The following AKR1E2 variants were observed in gnomAD, a reference collection of about 807,000 sequenced individuals.
The protein encoded by AKR1E2 is 1,5-anhydro-D-fructose reductase.
In AKR1E2, 43 loss-of-function variants were observed where a neutral mutation model predicts 41.9. The ratio of observed to expected loss-of-function variants is 1.03; its 90% CI spans 0.80 to 1.32. The LOEUF (loss-of-function observed/expected upper bound fraction) is 1.32. Ranked by LOEUF, AKR1E2 falls within the 40% of genes most tolerant of loss-of-function variation. AKR1E2 has a pLI of 0.00. For synonymous variants in AKR1E2, 121 were observed against 138.9 expected (o/e 0.87, Z 0.91); for missense variants, 423 against 396.5 (o/e 1.07, Z -0.57).
the AKR1E2 span, among the ~76,000 whole-genome samples, chr10:4,853,309 C>T: frequency 6.6e-6 from 1 of 152,128 alleles, no homozygotes; most frequent in Non-Finnish European, 1.5e-5. Context: ...ACCCCAGCCT[C>T]ATAAATTAGT....
chr10:4,869,612 A>G, the AKR1E2 span, among the ~76,000 whole-genome samples: 3 of 151,782 alleles, frequency 2.0e-5, no homozygotes, highest in Non-Finnish European at 2.9e-5. Context: ...AAGAGCTTAG[A>G]TAGTTGATTT....
intron 5 of AKR1E2, 124 bp downstream of exon 5, chr10:4,837,705 C>T: frequency 4.2e-6 from 6 of 1,417,212 alleles, no homozygotes; most frequent in South Asian, 1.4e-5. Context: ...TCTCCTCTGG[C>T]AGCACTCAGA....
chr10:4,835,657 A>T lies in AKR1E2; in HGVS notation c.325-18A>T. The T allele has an allele frequency of 6.2e-7, 1 of 1,612,832 alleles. No individual in the cohort carries two copies. The highest frequency in any genetic ancestry group is 2.2e-5 in the East Asian group (1 of 44,854). On this transcript the variant is annotated intron_variant, in intron 3 of 9. Transcript: ENST00000298375. The stretch of plus-strand genomic sequence containing the variant: ...GTTTTGTTTTGTTTTCACACATCTC[A>T]ACTCTCCTTCTTCGCAGCCTCCTCA...
chr10:4,871,107 T>C, the AKR1E2 span, among the ~76,000 whole-genome samples: 9 of 152,324 alleles, frequency 5.9e-5, no homozygotes, highest in East Asian at 1.3e-3. Flanking sequence ...TTTTGTGTAT[T>C]GTGTTTTTCA....
chr10:4,846,608 C>T (rs1026611269), intron 8 of AKR1E2, among the ~76,000 whole-genome samples: 11 of 150,460 alleles, frequency 7.3e-5, no homozygotes, highest in Non-Finnish European at 1.2e-4. Context: ...TGCAGTGGTG[C>T]GATCTCGGCT....
intron 6 of AKR1E2, 104 bp downstream of exon 6, chr10:4,839,930 A>T: frequency 9.2e-7 from 1 of 1,085,458 alleles, no homozygotes; most frequent in Non-Finnish European, 1.4e-6. Context: ...GGAGGTTTTG[A>T]CAGGGTGTGG....
chr10:4,833,872 A>G (rs1438980310), intron 3 of AKR1E2, among the ~76,000 whole-genome samples: 1 of 152,226 alleles, frequency 6.6e-6, no homozygotes, highest in Non-Finnish European at 1.5e-5. Flanking sequence ...CTGTTTTGCA[A>G]TATGGGAGAT....
At chr10:4,871,134 A>C in the AKR1E2 span, among the ~76,000 whole-genome samples, 1 of 152,096 alleles carries the variant, frequency 6.6e-6, no homozygotes. Context: ...AAATTTCCAA[A>C]TCTGGTTATT....
At chr10:4,843,589 G>A (rs1338770662) in intron 8 of AKR1E2, among the ~76,000 whole-genome samples, 7 of 152,214 alleles carry the variant, frequency 4.6e-5, no homozygotes, top group South Asian at 2.1e-4. Flanking sequence ...CTGAGGGCTC[G>A]GTTTGGTTGT....
At chr10:4,849,687 G>C (rs1025037555), downstream of AKR1E2, among the ~76,000 whole-genome samples, 3 of 152,316 alleles carry the variant, frequency 2.0e-5, no homozygotes, top group African/African-American at 7.2e-5. Context: ...GAGTCTCAGC[G>C]CTCCATTGCA....
the AKR1E2 span, among the ~76,000 whole-genome samples, chr10:4,854,311 C>CT: frequency 6.6e-6 from 1 of 152,128 alleles, no homozygotes; most frequent in Admixed American, 6.5e-5. Flanking sequence ...CCAGGCTGGT[C>CT]TTTAACTCCT....
chr10:4,849,918 TCTTCAA>T (rs1834491809), downstream of AKR1E2, among the ~76,000 whole-genome samples: 1 of 152,224 alleles, frequency 6.6e-6, no homozygotes, highest in Non-Finnish European at 1.5e-5. Flanking sequence ...TTTTAAGACC[TCTTCAA>T]CTTTGTACAA....
chr10:4,827,083 A>AG (rs1018745754), intron 1 of AKR1E2, among the ~76,000 whole-genome samples: 1 of 143,142 alleles, frequency 7.0e-6, no homozygotes, highest in African/African-American at 2.9e-5. Flanking sequence ...TGGAAAAAAA[A>AG]AAAAAAAAAA....
chr10:4,837,320 G>T, intron 4 of AKR1E2, 139 bp from the exon 5 acceptor site: 1 of 1,263,456 alleles, frequency 7.9e-7, no homozygotes, highest in Non-Finnish European at 1.1e-6. Flanking sequence ...GTGCAGAAAT[G>T]CTTTTGAAGC....
At chr10:4,843,742 A>C (rs577759044) in intron 8 of AKR1E2, among the ~76,000 whole-genome samples, 84 of 152,302 alleles carry the variant, frequency 5.5e-4, no homozygotes, top group African/African-American at 1.9e-3. Context: ...CGATGGGAGG[A>C]CCAGGGGATG....
the AKR1E2 span, among the ~76,000 whole-genome samples, chr10:4,858,060 G>C: frequency 2.3e-4 from 35 of 151,898 alleles, no homozygotes; most frequent in African/African-American, 8.5e-4. Flanking sequence ...TAGTTCCTTA[G>C]GATGTAAAGT....
intron 1 of AKR1E2, among the ~76,000 whole-genome samples, 169 bp downstream of exon 1, chr10:4,826,532 G>A (rs1360430613): frequency 6.6e-6 from 1 of 152,202 alleles, no homozygotes; most frequent in Non-Finnish European, 1.5e-5. Flanking sequence ...CCCACAAGCA[G>A]CCCGGCCCGG....
rs182405649 is a variant in AKR1E2, at chr10:4,839,862, G to A, written c.680+36G>A. ...CTCAGTGGTGTGTTAGTCAGAGTCC[G>A]ACTGGGAAGTAGATGCCACCTTCTC... On this transcript the variant is annotated intron_variant, in intron 6 of 9. Transcript: ENST00000298375. 58 of 1,571,698 alleles carry A rather than the reference G, an allele frequency of 3.7e-5. No individual in the cohort carries two copies. The East Asian group carries it at 4.3e-4, about 12-fold the overall frequency.
rs759186827 is a variant in AKR1E2 at position 4,837,596 on chromosome 10, G to C, written c.582+15G>C. ...TAACCAACCAGGTAAGCCGATGGAA[G>C]CATCAGAGAGTTTAACCTGTGTGGC... is the stretch of plus-strand genomic sequence containing the variant. On this transcript the variant is annotated intron_variant, in intron 5 of 9. Coordinates refer to ENST00000298375, the MANE Select transcript of AKR1E2 (RefSeq NM_001040177.3). The C allele has an allele frequency of 2.5e-6, 4 of 1,610,394 alleles. No individual in the cohort carries two copies. Among genetic ancestry groups the C allele is most frequent in the Non-Finnish European group, 2.5e-6 (3 of 1,177,376 alleles).
Sources: allele counts gnomAD v4.1 joint callset (sites outside exome capture counted in the v4.1 genomes callset), GRCh38; gene constraint gnomAD v4.1.1; transcripts MANE v1.5; gene names NCBI Gene and HGNC (gene_info 2026-07-23, HGNC 2026-07-21).